PDE11A: variants seen among roughly 807,000 people sequenced by gnomAD.
The protein encoded by PDE11A is dual 3',5'-cyclic-AMP and -GMP phosphodiesterase 11A.
A neutral mutation model predicts 100.5 loss-of-function variants in PDE11A; 100 were observed. The ratio of observed to expected loss-of-function variants is 1.00; its 90% CI spans 0.85 to 1.18. PDE11A has a LOEUF of 1.18. PDE11A is among the 50% of genes most tolerant of loss of function. The pLI is 0.00. For missense variants in PDE11A, 1,141 were observed against 1,152.6 expected (o/e 0.99, Z 0.15); for synonymous variants, 381 against 420.8 (o/e 0.91, Z 1.16).
chr2:178,093,065 C>G (rs1329397732), intron 2 of PDE11A: 1 of 152,174 alleles, frequency 6.6e-6, no homozygotes, highest in Non-Finnish European at 1.5e-5. Flanking sequence ...ATCTTGGACT[C>G]AGTAGGGAGG....
intron 9 of PDE11A, among the ~76,000 whole-genome samples, chr2:177,777,577 A>G (rs1039925791): frequency 6.6e-6 from 1 of 152,206 alleles, no homozygotes; most frequent in Non-Finnish European, 1.5e-5. Context: ...TCCAAACTAT[A>G]TATTTCATAG....
intron 2 of PDE11A, among the ~76,000 whole-genome samples, chr2:177,973,162 T>G (rs2085794922): frequency 6.7e-6 from 1 of 148,864 alleles, no homozygotes; most frequent in Non-Finnish European, 1.5e-5. Context: ...TTTCTGCATT[T>G]CCATCTGAGG....
At chr2:177,753,531 GAGGAAGAAA>G in intron 10 of PDE11A, among the ~76,000 whole-genome samples, 1 of 151,870 alleles carries the variant, frequency 6.6e-6, no homozygotes, top group East Asian at 2.0e-4. Flanking sequence ...GCTTTTTTCT[GAGGAAGAAA>G]AATCAGCCTG....
intron 18 of PDE11A, among the ~76,000 whole-genome samples, chr2:177,668,072 G>A (rs763058363): frequency 2.0e-5 from 3 of 152,166 alleles, no homozygotes; most frequent in Non-Finnish European, 4.4e-5. Flanking sequence ...GTGGTGCTCC[G>A]TAGTCTTTGT....
At chr2:178,026,133 A>C (rs2086475123) in intron 1 of PDE11A, among the ~76,000 whole-genome samples, 1 of 152,122 alleles carries the variant, frequency 6.6e-6, no homozygotes, top group South Asian at 2.1e-4. Context: ...TCCAACAGAG[A>C]GCTTTGGAAT....
At chr2:177,640,471 C>T (rs951082115) in intron 19 of PDE11A, among the ~76,000 whole-genome samples, 1 of 152,206 alleles carries the variant, frequency 6.6e-6, no homozygotes, top group Non-Finnish European at 1.5e-5. Context: ...ATTCGTGTGC[C>T]TGTCCAGCAG....
chr2:177,637,997 A>ATATTT (rs1433320166), intron 19 of PDE11A, among the ~76,000 whole-genome samples: 2 of 106,536 alleles, frequency 1.9e-5, no homozygotes, highest in African/African-American at 8.1e-5. Flanking sequence ...ATATATATAT[A>ATATTT]TTTTTTTTTT....
At chr2:177,854,559 T>A (rs1011700455) in intron 5 of PDE11A, among the ~76,000 whole-genome samples, 5 of 152,054 alleles carry the variant, frequency 3.3e-5, no homozygotes, top group Admixed American at 2.0e-4. Flanking sequence ...AAATATGGAA[T>A]CCCAGAAGTA....
chr2:178,001,275 A>AGTGTGTGTGTGT (rs57136586), intron 2 of PDE11A, among the ~76,000 whole-genome samples: 12,288 of 140,628 alleles, frequency 0.087, 562 homozygotes, highest in Non-Finnish European at 0.1. Context: ...ACAATGTGAA[A>AGTGTGTGTGTGT]GTGTGTGTGT....
intron 5 of PDE11A, among the ~76,000 whole-genome samples, chr2:177,854,874 A>G (rs994046585): frequency 4.6e-5 from 7 of 152,112 alleles, no homozygotes; most frequent in African/African-American, 1.7e-4. Context: ...CTTGCTTGTC[A>G]ATTGACAACA....
intron 2 of PDE11A, among the ~76,000 whole-genome samples, chr2:177,962,010 T>C (rs1400684596): frequency 8.3e-6 from 1 of 120,166 alleles, no homozygotes; most frequent in Non-Finnish European, 1.6e-5. Flanking sequence ...TGAGCCAAGA[T>C]CACACTACTG....
At chr2:177,832,424 T>G (rs762258954) in intron 6 of PDE11A, among the ~76,000 whole-genome samples, 5 of 152,196 alleles carry the variant, frequency 3.3e-5, no homozygotes, top group Non-Finnish European at 7.3e-5. Flanking sequence ...TGCTGGATGC[T>G]TCCTGCCCTC....
chr2:177,941,368 C>T (rs902978519), intron 2 of PDE11A, among the ~76,000 whole-genome samples: 1 of 152,188 alleles, frequency 6.6e-6, no homozygotes, highest in Non-Finnish European at 1.5e-5. Flanking sequence ...CCCTAACCCC[C>T]TCCACCCTTC....
At chr2:178,008,962 A>G (rs1396658821) in intron 2 of PDE11A, among the ~76,000 whole-genome samples, 3 of 152,206 alleles carry the variant, frequency 2.0e-5, no homozygotes, top group Non-Finnish European at 4.4e-5. Flanking sequence ...TTCAAACCAC[A>G]GCTGCTAATA....
chr2:178,050,568 G>C (rs13391629), intron 1 of PDE11A, among the ~76,000 whole-genome samples: 44,009 of 151,926 alleles, frequency 0.29, 6,530 homozygotes, highest in Non-Finnish European at 0.31. Context: ...CTGAGCTAAA[G>C]GAGGGTGTTC....
chr2:177,936,472 C>T (rs1394180158), intron 2 of PDE11A, among the ~76,000 whole-genome samples: 2 of 152,226 alleles, frequency 1.3e-5, no homozygotes, highest in Non-Finnish European at 2.9e-5. Context: ...AAGCGTTTCA[C>T]TTATCAACTG....
In PDE11A at chr2:177,674,617, T is replaced by A. The variant is rs1037023701; in HGVS notation, c.2487+838A>T. Among the ~76,000 whole-genome samples, 3 of 152,228 alleles carry A rather than the reference T, an allele frequency of 2.0e-5. No individual in the cohort carries two copies. In the East Asian group the frequency reaches 5.8e-4, roughly 29 times the overall value. On this transcript the variant is annotated intron_variant, in intron 17 of 19. Transcript: ENST00000286063. The stretch of plus-strand genomic sequence containing the variant: ...TGCTTAATCACATTTGCAAAGATAC[T>A]CTTTCCTTTCACGGTAATGTTTACA...
chr2:177,847,990 T>TTGTGTGTG (rs749800668), intron 5 of PDE11A, among the ~76,000 whole-genome samples: 2 of 147,914 alleles, frequency 1.4e-5, no homozygotes, highest in African/African-American at 4.9e-5. Context: ...AATGGTGTGT[T>TTGTGTGTG]TGTGTGTGTG....
chr2:178,066,392 C>G (rs2105869175), intron 1 of PDE11A, among the ~76,000 whole-genome samples: 1 of 152,258 alleles, frequency 6.6e-6, no homozygotes, highest in African/African-American at 2.4e-5. Flanking sequence ...ATTCTTAATA[C>G]TTTTTATCAT....
Sources: gnomAD v4.1 joint callset for allele counts (sites outside exome capture counted in the v4.1 genomes callset) on GRCh38, gnomAD v4.1.1 for gene constraint, MANE v1.5 for transcripts, NCBI Gene and HGNC (gene_info 2026-07-23, HGNC 2026-07-21) for gene names.